SMOC1: variants seen among roughly 807,000 people sequenced by gnomAD.
SMOC1 encodes the protein SPARC related modular calcium binding 1, also known as SPARC-related modular calcium-binding protein 1.
SMOC1 carries 22 observed loss-of-function variants against 56.3 expected under a neutral mutation model. The ratio of observed to expected loss-of-function variants is 0.39; its 90% CI spans 0.28 to 0.56. The LOEUF (loss-of-function observed/expected upper bound fraction) is 0.56. Ranked by LOEUF, SMOC1 falls within the 20% of genes least tolerant of loss-of-function variation. The pLI is 0.61. For missense variants in SMOC1, 509 were observed against 565.4 expected, an observed-to-expected ratio of 0.90 and a Z score of 1.01; for synonymous variants, 193 against 215.0, an observed-to-expected ratio of 0.90 and a Z score of 0.89.
intron 1 of SMOC1, among the ~76,000 whole-genome samples, chr14:69,923,135 C>G: frequency 6.6e-6 from 1 of 151,756 alleles, no homozygotes; most frequent in Non-Finnish European, 1.5e-5. Context: ...TTAGTAGAGA[C>G]GGGGTTTCAC....
intron 1 of SMOC1, among the ~76,000 whole-genome samples, chr14:69,900,671 A>G (rs1452327802): frequency 6.6e-6 from 1 of 152,226 alleles, no homozygotes; most frequent in East Asian, 1.9e-4. Flanking sequence ...CAGCTTAATA[A>G]TGTGCTGGAA....
At chr14:70,013,780 G>A (rs1198209182) in intron 10 of SMOC1, among the ~76,000 whole-genome samples, 1 of 152,196 alleles carries the variant, frequency 6.6e-6, no homozygotes, top group Non-Finnish European at 1.5e-5. Context: ...ATCTCAGAAG[G>A]TGATGGGTTG....
intron 1 of SMOC1, among the ~76,000 whole-genome samples, chr14:69,937,961 C>G (rs948535872): frequency 2.6e-5 from 4 of 152,136 alleles, no homozygotes; most frequent in African/African-American, 7.2e-5. Flanking sequence ...TTTTAGCCTG[C>G]ACTTGCTCAG....
intron 3 of SMOC1, among the ~76,000 whole-genome samples, chr14:69,955,974 A>G (rs1566687628): frequency 6.6e-6 from 1 of 152,178 alleles, no homozygotes; most frequent in Non-Finnish European, 1.5e-5. Context: ...TGTTGGTTAT[A>G]GGAATGGCTG....
chr14:70,016,926 A>C (rs77326581), intron 10 of SMOC1, among the ~76,000 whole-genome samples: 40 of 152,338 alleles, frequency 2.6e-4, no homozygotes, highest in African/African-American at 8.7e-4. Context: ...TCAGCCTAGC[A>C]TATATCACGG....
rs1313074903 is a variant in SMOC1, at chr14:69,880,779, C to G, written c.99+1002C>G. The stretch of plus-strand genomic sequence containing the variant: ...CTTTGTGAAAACAAGGTTGGCTCAA[C>G]CAACTCGTGCTTTCTTTCTTGAACA... On this transcript the variant is annotated intron_variant, in intron 1 of 11. Transcript: ENST00000361956. Among the ~76,000 whole-genome samples the G allele has an allele frequency of 2.0e-5, 3 of 152,228 alleles. No homozygotes were observed. In the East Asian group the frequency reaches 5.8e-4, roughly 29 times the overall value.
rs764784109 is a variant in SMOC1 at position 69,939,925 on chromosome 14, C to T, written c.100-12213C>T. 4.6e-5 allele frequency among the ~76,000 whole-genome samples: 7 copies of T among 152,152 alleles called. 1 individual carries two copies. The highest frequency in any genetic ancestry group is 4.1e-4 in the South Asian group (2 of 4,826). ...TATCTCCCACTGCTGCCAAAGCTGT[C>T]GATTCAGGTGCCAGAGCAGGGATGG... On this transcript the variant is annotated intron_variant, in intron 1 of 11. Coordinates refer to ENST00000361956, the MANE Select transcript of SMOC1 (RefSeq NM_001034852.3).
At chr14:69,906,025 G>A (rs1438750691) in intron 1 of SMOC1, among the ~76,000 whole-genome samples, 1 of 152,214 alleles carries the variant, frequency 6.6e-6, no homozygotes, top group Non-Finnish European at 1.5e-5. Context: ...ATATCAGTCA[G>A]TGATCAAACT....
chr14:70,022,450 C>T (rs903746114), intron 10 of SMOC1, among the ~76,000 whole-genome samples: 1 of 152,216 alleles, frequency 6.6e-6, no homozygotes, highest in Non-Finnish European at 1.5e-5. Flanking sequence ...CCTGGCAGTG[C>T]TGGTGAATAC....
chr14:69,961,319 T>TATATA (rs1883371757), intron 3 of SMOC1, among the ~76,000 whole-genome samples: 2 of 126,756 alleles, frequency 1.6e-5, no homozygotes, highest in Non-Finnish European at 1.7e-5. Flanking sequence ...TATATATATA[T>TATATA]CCTGTTTTAT....
chr14:69,942,844 A>G (rs970521383), intron 1 of SMOC1, among the ~76,000 whole-genome samples: 1 of 152,126 alleles, frequency 6.6e-6, no homozygotes, highest in Non-Finnish European at 1.5e-5. Context: ...ATGTAGGTTA[A>G]CTTGGCCCCG....
intron 1 of SMOC1, among the ~76,000 whole-genome samples, chr14:69,942,471 A>G (rs966956218): frequency 2.0e-5 from 3 of 152,168 alleles, no homozygotes; most frequent in Non-Finnish European, 4.4e-5. Flanking sequence ...TTAGGTGTAC[A>G]CTTTTATGAA....
intron 6 of SMOC1, among the ~76,000 whole-genome samples, chr14:69,993,114 G>A (rs1029813627): frequency 9.2e-5 from 14 of 152,172 alleles, no homozygotes; most frequent in African/African-American, 3.4e-4. Context: ...GAATGAGGTA[G>A]GGATGGGATA....
chr14:69,925,898 G>C (rs867191589), intron 1 of SMOC1, among the ~76,000 whole-genome samples: 1 of 152,160 alleles, frequency 6.6e-6, no homozygotes, highest in African/African-American at 2.4e-5. Context: ...AGACCACCAC[G>C]AAAGACAGAC....
At chr14:70,009,909 G>A (rs1463471832) in intron 7 of SMOC1, among the ~76,000 whole-genome samples, 1 of 152,162 alleles carries the variant, frequency 6.6e-6, no homozygotes, top group Admixed American at 6.5e-5. Flanking sequence ...AAGACAAAGA[G>A]CAAAGCCAGG....
At position 70,031,220 on chromosome 14, in the gene SMOC1, A is replaced by G. The variant is rs1886138609; in HGVS notation, c.*962A>G. The stretch of plus-strand genomic sequence containing the variant: ...TTAAAAAAGTAGATATTTAATATCT[A>G]AGCAGGGGAGGGGACAGGACAGAAA... On this transcript the variant is annotated 3_prime_UTR_variant, in exon 12 of 12. Transcript: ENST00000361956. 3.3e-5 allele frequency: 5 copies of G among 152,284 alleles called. No individual in the cohort carries two copies. Among genetic ancestry groups the G allele is most frequent in the Admixed American group, 3.3e-4 (5 of 15,292 alleles). 9.4% of individuals were successfully genotyped at this position (152,284 alleles called of 1,614,324 possible).
At chr14:69,986,524 T>C (rs1224167648) in intron 5 of SMOC1, among the ~76,000 whole-genome samples, 1 of 152,190 alleles carries the variant, frequency 6.6e-6, no homozygotes, top group East Asian at 1.9e-4. Context: ...ATGCTAACTA[T>C]AAAGCCGTTA....
At chr14:69,885,694 G>C in intron 1 of SMOC1, 4 of 1,451,902 alleles carry the variant, frequency 2.8e-6, no homozygotes, top group Non-Finnish European at 2.9e-6. Flanking sequence ...GAGCTTTCTT[G>C]TTCTCCACCA....
At chr14:70,029,718 C>T (rs1197844661) in intron 11 of SMOC1, among the ~76,000 whole-genome samples, 2 of 152,160 alleles carry the variant, frequency 1.3e-5, no homozygotes, top group African/African-American at 2.4e-5. Flanking sequence ...CAGGCACAAA[C>T]CCATTCAGTA....
Sources: gnomAD v4.1 joint callset for allele counts (sites outside exome capture counted in the v4.1 genomes callset) on GRCh38, gnomAD v4.1.1 for gene constraint, MANE v1.5 for transcripts, NCBI Gene and HGNC (gene_info 2026-07-23, HGNC 2026-07-21) for gene names.